SLC35H1: variants seen among roughly 807,000 people sequenced by gnomAD.
SLC35H1 encodes ovarian cancer-overexpressed gene 1 protein.
At chr20:46,358,668 A>T in the SLC35H1 span, 1 of 1,551,746 alleles carries the variant, frequency 6.4e-7, no homozygotes, top group East Asian at 2.4e-5. Context: ...AACCATCAGC[A>T]GAGCCCCAGG....
the SLC35H1 span, among the ~76,000 whole-genome samples, chr20:46,351,540 G>T: frequency 6.6e-6 from 1 of 152,156 alleles, no homozygotes; most frequent in African/African-American, 2.4e-5. Context: ...GGTATGAGAG[G>T]GAAGGACAGG....
At chr20:46,350,713 AG>A in the SLC35H1 span, 1 of 1,602,190 alleles carries the variant, frequency 6.2e-7, no homozygotes, top group Non-Finnish European at 8.5e-7. Flanking sequence ...TAAGAGTCAC[AG>A]GGAGAAGAAC....
chr20:46,354,715 G>A, the SLC35H1 span, among the ~76,000 whole-genome samples: 1 of 152,270 alleles, frequency 6.6e-6, no homozygotes, highest in East Asian at 1.9e-4. Context: ...TTTTATATGT[G>A]CTTTCTCTGT....
the SLC35H1 span, among the ~76,000 whole-genome samples, chr20:46,360,533 T>C: frequency 2.4e-5 from 3 of 122,630 alleles, no homozygotes; most frequent in Non-Finnish European, 4.9e-5. Flanking sequence ...TAGGGCATGG[T>C]TATTTATATT....
At chr20:46,356,909 G>A in the SLC35H1 span, among the ~76,000 whole-genome samples, 1 of 152,236 alleles carries the variant, frequency 6.6e-6, no homozygotes, top group Non-Finnish European at 1.5e-5. Context: ...CTGAGCGGAG[G>A]TATTAACCTG....
At chr20:46,354,775 G>C in the SLC35H1 span, 1 of 995,388 alleles carries the variant, frequency 1.0e-6, no homozygotes, top group East Asian at 2.6e-5. Flanking sequence ...GGGAGGGACT[G>C]CATCTTTGAT....
the SLC35H1 span, chr20:46,350,657 G>C: frequency 6.6e-7 from 1 of 1,523,570 alleles, no homozygotes; most frequent in Non-Finnish European, 8.9e-7. Flanking sequence ...TCCTAGAGGA[G>C]TGACGGCAGC....
the SLC35H1 span, chr20:46,347,907 A>G: frequency 6.6e-6 from 1 of 152,286 alleles, no homozygotes; most frequent in Non-Finnish European, 1.5e-5. Context: ...TGGGCAGGTA[A>G]GCACTTGAAA....
the SLC35H1 span, among the ~76,000 whole-genome samples, chr20:46,361,900 A>T: frequency 6.6e-6 from 1 of 151,996 alleles, no homozygotes. Context: ...CTGTTAACCA[A>T]CTTCTTGCAG....
chr20:46,356,052 C>T, the SLC35H1 span, among the ~76,000 whole-genome samples: 30 of 152,224 alleles, frequency 2.0e-4, no homozygotes, highest in African/African-American at 7.0e-4. Flanking sequence ...CTGGTTATCA[C>T]CAGAGAGAAG....
the SLC35H1 span, chr20:46,357,759 G>A: frequency 6.2e-7 from 1 of 1,614,100 alleles, no homozygotes; most frequent in East Asian, 2.2e-5. Flanking sequence ...TCATGAAGAG[G>A]GGGAAATGGA....
chr20:46,355,794 G>A, the SLC35H1 span: 3 of 1,613,974 alleles, frequency 1.9e-6, no homozygotes, highest in Non-Finnish European at 2.5e-6. The surrounding 1 kb of genome is among the most constrained non-coding windows in gnomAD (Gnocchi z 4.8). Context: ...GAGACGCTGG[G>A]GCCTCACCAG....
the SLC35H1 span, chr20:46,356,498 G>A: frequency 3.6e-5 from 52 of 1,459,944 alleles, no homozygotes; most frequent in Middle Eastern, 4.0e-4. Flanking sequence ...CCTAGCAGCC[G>A]GGTGTGCAGA....
chr20:46,356,519 G>C, the SLC35H1 span: 18 of 1,587,992 alleles, frequency 1.1e-5, no homozygotes, highest in Middle Eastern at 3.5e-4. Context: ...CACCCCGCTG[G>C]ACAGACAGAC....
At chr20:46,360,313 G>A in the SLC35H1 span, among the ~76,000 whole-genome samples, 2 of 152,072 alleles carry the variant, frequency 1.3e-5, no homozygotes, top group African/African-American at 4.8e-5. Flanking sequence ...TGTCCATTCT[G>A]GAAAAACCAC....
the SLC35H1 span, chr20:46,355,681 C>T: frequency 1.4e-6 from 2 of 1,446,614 alleles, no homozygotes; most frequent in Non-Finnish European, 1.9e-6. This position sits in a 1 kb window ranked among gnomAD's most constrained non-coding sequence, Gnocchi z 4.8. Flanking sequence ...AAGGGATCTA[C>T]TGCCACCTGG....
chr20:46,354,044 A>T, the SLC35H1 span, among the ~76,000 whole-genome samples: 2 of 152,124 alleles, frequency 1.3e-5, no homozygotes, highest in Non-Finnish European at 2.9e-5. Context: ...AAGGGGACAA[A>T]GGCTAATCCC....
the SLC35H1 span, chr20:46,357,705 G>A: frequency 1.2e-6 from 2 of 1,614,150 alleles, no homozygotes; most frequent in Non-Finnish European, 1.7e-6. Context: ...CCAGCGCCCT[G>A]GACAGGGCGG....
chr20:46,349,202 T>C, the SLC35H1 span: 1 of 152,268 alleles, frequency 6.6e-6, no homozygotes, highest in South Asian at 2.1e-4. Flanking sequence ...CTGGAAAGCT[T>C]TGTCCCCAAG....
Sources: allele counts gnomAD v4.1 joint callset (sites outside exome capture counted in the v4.1 genomes callset), GRCh38; gene constraint gnomAD v4.1.1; non-coding constraint Gnocchi (gnomAD v3.1); transcripts MANE v1.5; gene names NCBI Gene and HGNC (gene_info 2026-07-23, HGNC 2026-07-21).